The following ZNF529 variants were observed in gnomAD, a reference collection of about 807,000 sequenced individuals.
The protein encoded by ZNF529 is zinc finger protein 529.
In ZNF529, 11 loss-of-function variants were observed where a neutral mutation model predicts 10.1. That is an observed-to-expected ratio of 1.09 (90% CI 0.69 to 1.81). The LOEUF (loss-of-function observed/expected upper bound fraction) is 1.81. Among genes scored for constraint, ZNF529 ranks in the 40% most tolerant of loss-of-function variants. The pLI is 0.00. For synonymous variants in ZNF529, 204 were observed against 215.7 expected (o/e 0.95, Z 0.47); for missense variants, 624 against 666.8 (o/e 0.94, Z 0.71).
chr19:36,551,376 A>C (rs2035250712), intron 4 of ZNF529, among the ~76,000 whole-genome samples: 1 of 152,204 alleles, frequency 6.6e-6, no homozygotes, highest in African/African-American at 2.4e-5. Context: ...AAGCACACAG[A>C]AATCACCATA....
chr19:36,595,401 G>A (rs1179789836), intron 1 of ZNF529, among the ~76,000 whole-genome samples: 7 of 152,058 alleles, frequency 4.6e-5, no homozygotes, highest in Non-Finnish European at 8.8e-5. Context: ...AGACACAAAA[G>A]GTAAAGAAAG....
At chr19:36,563,501 G>A (rs1357767680) in intron 2 of ZNF529, among the ~76,000 whole-genome samples, 6 of 151,246 alleles carry the variant, frequency 4.0e-5, no homozygotes, top group African/African-American at 1.5e-4. Flanking sequence ...TGGAAAAAAC[G>A]GTCAAGCCGA....
chr19:36,567,409 G>C (rs1162205509), intron 2 of ZNF529, among the ~76,000 whole-genome samples: 2 of 151,948 alleles, frequency 1.3e-5, no homozygotes, highest in African/African-American at 4.8e-5. Flanking sequence ...GGAAATGTAG[G>C]GGTAAGTCAT....
intron 2 of ZNF529, among the ~76,000 whole-genome samples, chr19:36,560,325 T>A (rs1277904704): frequency 6.7e-6 from 1 of 150,212 alleles, no homozygotes; most frequent in Non-Finnish European, 1.5e-5. Context: ...ACAGTATACA[T>A]ATATATCTCT....
intron 2 of ZNF529, among the ~76,000 whole-genome samples, chr19:36,578,873 C>T (rs1449782853): frequency 6.6e-6 from 1 of 150,732 alleles, no homozygotes; most frequent in African/African-American, 2.4e-5. Context: ...GCTGGGATTA[C>T]AGGCGTGAGC....
chr19:36,555,375 G>A (rs1445504334), intron 3 of ZNF529, among the ~76,000 whole-genome samples: 1 of 91,236 alleles, frequency 1.1e-5, no homozygotes, highest in East Asian at 2.5e-4. Flanking sequence ...CTCACTGCAA[G>A]CTCCGCTTCC....
chr19:36,558,772 A>C (rs2035572152), intron 2 of ZNF529, among the ~76,000 whole-genome samples: 1 of 152,116 alleles, frequency 6.6e-6, no homozygotes, highest in Non-Finnish European at 1.5e-5. Flanking sequence ...CAAAAGCAAA[A>C]ACAAAGAAAT....
intron 4 of ZNF529, among the ~76,000 whole-genome samples, chr19:36,549,112 A>T (rs1004185435): frequency 6.6e-6 from 1 of 152,170 alleles, no homozygotes; most frequent in Admixed American, 6.5e-5. Context: ...ATTTCACATC[A>T]ATGGTCTCTT....
In ZNF529 at chr19:36,547,922, G is replaced by C. The variant is rs1600241593; in HGVS notation, c.636C>G (p.Asn212Lys). The change falls in exon 5 of 5, where the codon AAC becomes AAG. Residue 212 changes from asparagine (N) to lysine (K), a missense_variant. Asn to Lys is a moderately conservative substitution (Grantham distance 94). Transcript: ENST00000591340. ...NQCWKTFGID[N>K]SSMLQLNIHT... ...GAATATTCAGTTGTAACATACTGGAGTTATCTATCCCAAAGGTTTTCCAAC... is the reference window on the plus strand; with the variant it reads ...GAATATTCAGTTGTAACATACTGGACTTATCTATCCCAAAGGTTTTCCAAC... 1.9e-6 allele frequency: 3 copies of C among 1,612,836 alleles called. No homozygotes were observed. Among genetic ancestry groups the C allele is most frequent in the Non-Finnish European group, 2.5e-6 (3 of 1,179,446 alleles).
At chr19:36,579,157 C>T (rs947358899) in intron 2 of ZNF529, among the ~76,000 whole-genome samples, 1 of 151,004 alleles carries the variant, frequency 6.6e-6, no homozygotes, top group Admixed American at 6.6e-5. Flanking sequence ...GCCAAGATTG[C>T]GCCGTTGCAC....
At chr19:36,564,301 CAGAGT>C (rs1251820209) in intron 2 of ZNF529, among the ~76,000 whole-genome samples, 4 of 152,156 alleles carry the variant, frequency 2.6e-5, no homozygotes, top group Non-Finnish European at 4.4e-5. Context: ...AAATTATCAA[CAGAGT>C]AAACAACAAC....
intron 1 of ZNF529, among the ~76,000 whole-genome samples, chr19:36,603,426 A>C (rs1460762534): frequency 6.6e-6 from 1 of 152,250 alleles, no homozygotes; most frequent in East Asian, 1.9e-4. Flanking sequence ...CCAGGTAAAT[A>C]GATAAGTCAC....
chr19:36,591,491 G>A (rs572738172), intron 1 of ZNF529, among the ~76,000 whole-genome samples: 24 of 151,784 alleles, frequency 1.6e-4, no homozygotes, highest in African/African-American at 4.6e-4. Context: ...AGGCCGAGGC[G>A]GGCGGATCAC....
chr19:36,562,502 C>T (rs2035741523), intron 2 of ZNF529, among the ~76,000 whole-genome samples: 3 of 152,080 alleles, frequency 2.0e-5, no homozygotes, highest in South Asian at 4.2e-4. Context: ...TGTAACATGT[C>T]CTCTCCAAAA....
intron 2 of ZNF529, among the ~76,000 whole-genome samples, chr19:36,569,536 G>A (rs564500017): frequency 6.6e-5 from 10 of 151,932 alleles, no homozygotes; most frequent in African/African-American, 2.2e-4. Flanking sequence ...AGGCTGAGGC[G>A]GGCAAACAAC....
chr19:36,561,421 T>C (rs1280707138), intron 2 of ZNF529, among the ~76,000 whole-genome samples: 1 of 151,600 alleles, frequency 6.6e-6, no homozygotes, highest in African/African-American at 2.4e-5. Flanking sequence ...CTCACTGTAT[T>C]GCCCAAGCTG....
chr19:36,601,294 T>C (rs1382275144), intron 1 of ZNF529, among the ~76,000 whole-genome samples: 1 of 151,612 alleles, frequency 6.6e-6, no homozygotes, highest in African/African-American at 2.4e-5. Flanking sequence ...TTAGTAGAAA[T>C]GGAGTTTCAC....
upstream of ZNF529, among the ~76,000 whole-genome samples, chr19:36,576,314 T>C (rs1197131962): frequency 6.6e-6 from 1 of 152,250 alleles, no homozygotes; most frequent in Non-Finnish European, 1.5e-5. Context: ...AGCATTTGCC[T>C]ACCATGAAAC....
In ZNF529 at chr19:36,547,411, G is replaced by A. The variant is rs754839524; in HGVS notation, c.1147C>T (p.Arg383Cys). 4.3e-6 allele frequency: 7 copies of A among 1,612,610 alleles called. No individual in the cohort carries two copies. In the East Asian group the frequency reaches 6.7e-5, roughly 15 times the overall value. The change falls in exon 5 of 5, where the codon CGT becomes TGT. Residue 383 changes from arginine (R) to cysteine (C), a missense_variant. Arg to Cys is a radical substitution (Grantham distance 180). Transcript: ENST00000591340. Reference sequence around the variant, plus strand: ...TTACCAGTATGAATTCTCTGATGACGAGCAAGTTCTCTACATACTCCAAAA... The same window carrying A: ...TTACCAGTATGAATTCTCTGATGACAAGCAAGTTCTCTACATACTCCAAAA... The part of the protein sequence containing the change: ...KAFGVCRELA[R>C]HQRIHTGKKP...
Sources: gnomAD v4.1 joint callset for allele counts (sites outside exome capture counted in the v4.1 genomes callset) on GRCh38, gnomAD v4.1.1 for gene constraint, MANE v1.5 for transcripts, NCBI Gene and HGNC (gene_info 2026-07-23, HGNC 2026-07-21) for gene names.